Variants in LHX8 observed in about 807,000 individuals in gnomAD.
LHX8 encodes the protein LIM/homeobox protein Lhx8.
In LHX8, 12 loss-of-function variants were observed where a neutral mutation model predicts 40.3. The observed-to-expected ratio is 0.30, with a 90% CI of 0.19 to 0.48. The LOEUF (loss-of-function observed/expected upper bound fraction) is 0.48, where lower values mean the gene tolerates loss of function less well. LHX8 is among the 20% of genes least tolerant of loss of function. The pLI, the probability that LHX8 is intolerant of heterozygous loss-of-function variation, is 0.99. For synonymous variants in LHX8, 179 were observed against 162.0 expected (o/e 1.10, Z -0.80); for missense variants, 344 against 433.7 (o/e 0.79, Z 1.84).
intron 7 of LHX8, among the ~76,000 whole-genome samples, chr1:75,152,731 A>G (rs886718650): frequency 6.6e-6 from 1 of 152,206 alleles, no homozygotes; most frequent in Non-Finnish European, 1.5e-5. Flanking sequence ...AAGTTCATAC[A>G]ACTTTATTCT....
intron 8 of LHX8, chr1:75,159,770 A>C (rs2100365729): frequency 6.6e-6 from 1 of 152,244 alleles, no homozygotes; most frequent in Non-Finnish European, 1.5e-5. Flanking sequence ...ACTAAAAATA[A>C]TTTGAGGCTG....
chr1:75,185,308 A>G, the LHX8 span, among the ~76,000 whole-genome samples: 1 of 152,100 alleles, frequency 6.6e-6, no homozygotes, highest in African/African-American at 2.4e-5. Flanking sequence ...GAAAAAGAAG[A>G]CTTCAGGTCA....
intron 6 of LHX8, among the ~76,000 whole-genome samples, chr1:75,144,877 G>C (rs1852349): frequency 6.6e-6 from 1 of 151,852 alleles, no homozygotes; most frequent in Admixed American, 6.6e-5. Flanking sequence ...CGAAAATCAC[G>C]TTTAGTATTC....
chr1:75,187,247 C>A, the LHX8 span, among the ~76,000 whole-genome samples: 2 of 152,064 alleles, frequency 1.3e-5, no homozygotes, highest in Non-Finnish European at 2.9e-5. Context: ...AAAACTTGGC[C>A]CCAGTAAAGT....
the LHX8 span, among the ~76,000 whole-genome samples, chr1:75,189,668 T>G: frequency 6.6e-6 from 1 of 152,142 alleles, no homozygotes; most frequent in South Asian, 2.1e-4. Flanking sequence ...CACAGTAATA[T>G]CAAATGTTAG....
At chr1:75,186,758 C>T in the LHX8 span, among the ~76,000 whole-genome samples, 2 of 152,054 alleles carry the variant, frequency 1.3e-5, no homozygotes, top group Non-Finnish European at 2.9e-5. Flanking sequence ...AACATACATG[C>T]ACTCAGGAAA....
intron 3 of LHX8, among the ~76,000 whole-genome samples, chr1:75,138,210 A>G (rs1192890723): frequency 6.6e-6 from 1 of 152,212 alleles, no homozygotes; most frequent in Non-Finnish European, 1.5e-5. Flanking sequence ...TAAAACCACT[A>G]TTTAAAATAA....
chr1:75,179,364 G>A, the LHX8 span, among the ~76,000 whole-genome samples: 1 of 152,040 alleles, frequency 6.6e-6, no homozygotes, highest in African/African-American at 2.4e-5. Flanking sequence ...TCTTGTATTG[G>A]GTGCATATAT....
At chr1:75,137,974 A>G (rs758398713) in intron 3 of LHX8, among the ~76,000 whole-genome samples, 13 of 152,202 alleles carry the variant, frequency 8.5e-5, no homozygotes, top group Non-Finnish European at 1.8e-4. Flanking sequence ...GTGCTTGGGG[A>G]GAAAATGGAA....
intron 8 of LHX8, chr1:75,160,232 G>A (rs569048936): frequency 6.6e-6 from 1 of 152,536 alleles, no homozygotes; most frequent in East Asian, 1.9e-4. Context: ...AGATTTCCTA[G>A]TTGGTCTCAG....
chr1:75,166,187 A>G (rs1649033065), downstream of LHX8, among the ~76,000 whole-genome samples: 1 of 152,248 alleles, frequency 6.6e-6, no homozygotes. Context: ...TTCTTTAAAT[A>G]AAGTCAGAGG....
In LHX8 at chr1:75,156,227, TG is replaced by T. The variant is rs1557494613; in HGVS notation, c.781-665del. 1.5e-3 allele frequency among the ~76,000 whole-genome samples: 186 copies of T among 125,916 alleles called. 1 individual carries two copies. Among genetic ancestry groups the T allele is most frequent in the African/African-American group, 4.5e-3 (175 of 38,524 alleles). 82.6% of individuals were successfully genotyped at this position (125,916 alleles called of 152,430 possible). A position where few individuals can be genotyped will look rare whatever the true frequency, so the allele number is the denominator to read the frequency against. On this transcript the variant is annotated intron_variant, in intron 7 of 8. Transcript: ENST00000356261. ...GTTTGGGCTTTGTTGTTGTTGTTGTTGTTGTTGTTTTGTTTTGTTTTGTTTT... is the reference window on the plus strand; with the variant it reads ...GTTTGGGCTTTGTTGTTGTTGTTGTTTTGTTGTTTTGTTTTGTTTTGTTTT...
At position 75,136,695 on chromosome 1, in the gene LHX8, T is replaced by C; in HGVS notation, c.75+6T>C. ...GCGCCGGGGAAGAGGGACTGGTGAGTGCGGAGGGGCTCGCGTGCTGGCAAG... is the reference window on the plus strand; with the variant it reads ...GCGCCGGGGAAGAGGGACTGGTGAGCGCGGAGGGGCTCGCGTGCTGGCAAG... On this transcript the variant is annotated splice_donor_region_variant and intron_variant, in intron 2 of 8. Transcript: ENST00000356261. The C allele has an allele frequency of 2.6e-6, 4 of 1,542,942 alleles. No homozygotes were observed. Among genetic ancestry groups the C allele is most frequent in the Non-Finnish European group, 3.5e-6 (4 of 1,146,040 alleles).
At chr1:75,176,135 T>C in the LHX8 span, among the ~76,000 whole-genome samples, 363 of 152,334 alleles carry the variant, frequency 2.4e-3, 7 homozygotes, top group East Asian at 0.053. Context: ...TAAACATACA[T>C]GTGCATGTGT....
chr1:75,178,453 T>C, the LHX8 span, among the ~76,000 whole-genome samples: 13 of 152,356 alleles, frequency 8.5e-5, no homozygotes, highest in African/African-American at 2.9e-4. Flanking sequence ...TTCTAGTTTA[T>C]GTGCTTAAAG....
chr1:75,168,281 G>A, the LHX8 span, among the ~76,000 whole-genome samples: 28 of 152,208 alleles, frequency 1.8e-4, no homozygotes, highest in African/African-American at 6.3e-4. Context: ...GGAGTGCAAT[G>A]GTGTGGTCTC....
At chr1:75,149,049 C>T (rs17622948) in intron 7 of LHX8, among the ~76,000 whole-genome samples, 10,033 of 152,212 alleles carry the variant, frequency 0.066, 420 homozygotes, top group Middle Eastern at 0.11. Flanking sequence ...TGAGTCTTTG[C>T]TCATGTTACT....
Position 75,161,222 on chromosome 1 carries a change from A to C in LHX8, c.*327A>C. The C allele has an allele frequency of 3.9e-6, 1 of 256,876 alleles. No individual in the cohort carries two copies. The highest frequency in any genetic ancestry group is 7.5e-6 in the Non-Finnish European group (1 of 132,660). 15.9% of individuals were successfully genotyped at this position (256,876 alleles called of 1,614,324 possible). The stretch of plus-strand genomic sequence containing the variant: ...TAAAAGAAAGGACTGACAAGTGTGC[A>C]AAATGTTTACAATCTTTTGTGAAAT... On this transcript the variant is annotated 3_prime_UTR_variant, in exon 9 of 9. Transcript: ENST00000356261.
At chr1:75,136,953 G>C in intron 2 of LHX8, 147 bp from the exon 3 acceptor site, 1 of 965,904 alleles carries the variant, frequency 1.0e-6, no homozygotes, top group Non-Finnish European at 1.5e-6. Context: ...CGGGGAAGAG[G>C]GCGAGAATCG....
Sources: allele counts gnomAD v4.1 joint callset (sites outside exome capture counted in the v4.1 genomes callset), GRCh38; gene constraint gnomAD v4.1.1; transcripts MANE v1.5; gene names NCBI Gene and HGNC (gene_info 2026-07-23, HGNC 2026-07-21).